The following CASZ1 variants were observed in gnomAD, a reference collection of about 807,000 sequenced individuals.
CASZ1 encodes the protein zinc finger protein castor homolog 1.
CASZ1 carries 28 observed loss-of-function variants against 135.2 expected under a neutral mutation model. The observed-to-expected ratio is 0.21, with a 90% CI of 0.15 to 0.28. The LOEUF is 0.28. Ranked by LOEUF, CASZ1 falls within the 10% of genes least tolerant of loss-of-function variation. The pLI is 1.00. For missense variants in CASZ1, 2,161 were observed against 2,453.3 expected (o/e 0.88, Z 2.52); for synonymous variants, 1,068 against 1,073.4 (o/e 0.99, Z 0.10).
At chr1:10,692,331 C>A (rs951734766) in intron 4 of CASZ1, among the ~76,000 whole-genome samples, 6 of 152,234 alleles carry the variant, frequency 3.9e-5, no homozygotes, top group African/African-American at 1.4e-4. Context: ...GGCTCTCCTG[C>A]CCCAGGTAAG....
rs918967852 is a variant in CASZ1 at position 10,768,118 on chromosome 1, G to C, written c.-233-7261C>G. Reference sequence around the variant, plus strand: ...CTACCATGGTGCTTCCCATGAGGCAGGCCGCCCTGATCTCAGGAGGCTCCC... The same window carrying C: ...CTACCATGGTGCTTCCCATGAGGCACGCCGCCCTGATCTCAGGAGGCTCCC... On this transcript the variant is annotated intron_variant, in intron 1 of 20. Transcript: ENST00000377022. 5.3e-5 allele frequency among the ~76,000 whole-genome samples: 8 copies of C among 152,358 alleles called. No homozygotes were observed. The Middle Eastern group carries it at 0.01, about 194-fold the overall frequency.
At chr1:10,768,913 G>A (rs938808681) in intron 1 of CASZ1, among the ~76,000 whole-genome samples, 1 of 152,202 alleles carries the variant, frequency 6.6e-6, no homozygotes, top group Non-Finnish European at 1.5e-5. Context: ...GGCAGAGGCG[G>A]GCAGATCACT....
chr1:10,733,521 G>A (rs1557539161), intron 2 of CASZ1, among the ~76,000 whole-genome samples: 1 of 152,154 alleles, frequency 6.6e-6, no homozygotes, highest in Admixed American at 6.5e-5. Context: ...AGGGACAATG[G>A]CAAAAAGGGC....
chr1:10,754,151 A>G (rs1640202109), intron 2 of CASZ1, among the ~76,000 whole-genome samples: 1 of 151,456 alleles, frequency 6.6e-6, no homozygotes, highest in South Asian at 2.1e-4. Context: ...CATCGCAGTG[A>G]CCCCTTCCCT....
intron 12 of CASZ1, 22 bp downstream of exon 12, chr1:10,650,919 C>T: frequency 6.2e-7 from 1 of 1,606,876 alleles, no homozygotes; most frequent in South Asian, 1.1e-5. Context: ...GGGGCTGGCT[C>T]CCATAGGGGG....
chr1:10,772,189 G>C (rs1028930335), intron 1 of CASZ1, among the ~76,000 whole-genome samples: 1 of 152,214 alleles, frequency 6.6e-6, no homozygotes, highest in African/African-American at 2.4e-5. Flanking sequence ...GCATGGGTGG[G>C]AGAAAGAAGA....
rs1208027148 is a variant in CASZ1, at chr1:10,637,834, G to C, written c.*1108C>G. ...TAAAACAAACTGGAAAAAAAAAAAA[G>C]CCCTATAAAGCCACACGCATCACCA... On this transcript the variant is annotated 3_prime_UTR_variant, in exon 21 of 21. Transcript: ENST00000377022. 1.4e-5 allele frequency: 2 copies of C among 146,804 alleles called. No individual in the cohort carries two copies. Among genetic ancestry groups the C allele is most frequent in the African/African-American group, 5.0e-5 (2 of 39,890 alleles). The allele number at this position is 146,804 out of a possible 1,614,324, so 9.1% of individuals were successfully genotyped here. A position where few individuals can be genotyped will look rare whatever the true frequency, so the allele number is the denominator to read the frequency against.
At chr1:10,678,811 C>T (rs1476111818) in intron 4 of CASZ1, among the ~76,000 whole-genome samples, 1 of 151,956 alleles carries the variant, frequency 6.6e-6, no homozygotes, top group Non-Finnish European at 1.5e-5. Context: ...TAAAAAATCC[C>T]CCCCTTTTGC....
chr1:10,784,532 C>T (rs1640821218), intron 1 of CASZ1, among the ~76,000 whole-genome samples: 1 of 152,138 alleles, frequency 6.6e-6, no homozygotes, highest in South Asian at 2.1e-4. Flanking sequence ...CAGTTATCTC[C>T]CTACCTCCCA....
chr1:10,710,260 CCTT>C (rs1639260719), intron 2 of CASZ1, among the ~76,000 whole-genome samples: 1 of 152,180 alleles, frequency 6.6e-6, no homozygotes, highest in Non-Finnish European at 1.5e-5. Flanking sequence ...GGCCTCAAGT[CCTT>C]CATGGGATGT....
chr1:10,795,119 C>T (rs888281825), intron 1 of CASZ1, among the ~76,000 whole-genome samples: 2 of 152,170 alleles, frequency 1.3e-5, no homozygotes, highest in South Asian at 2.1e-4. Flanking sequence ...AAACCGGCCG[C>T]CGCTCCGCCC....
At position 10,700,060 on chromosome 1, in the gene CASZ1, G is replaced by A. The variant is rs166915; in HGVS notation, c.-24+5432C>T. Among the ~76,000 whole-genome samples the A allele has an allele frequency of 9.0e-4, 118 of 130,664 alleles. No homozygotes were observed. The highest frequency in any genetic ancestry group is 3.5e-3 in the African/African-American group (107 of 30,972). The allele number at this position is 130,664 out of a possible 152,430, so 85.7% of individuals were successfully genotyped here. ...ACAGAGAGAGAGAGAAAGAGAGACA[G>A]AGAGAGAAAGAGAGATAGAGACACA... On this transcript the variant is annotated intron_variant, in intron 3 of 20. Coordinates refer to ENST00000377022, the MANE Select transcript of CASZ1 (RefSeq NM_001079843.3). This position sits in a 1 kb window ranked among gnomAD's most constrained non-coding sequence, Gnocchi z 4.2.
Position 10,777,560 on chromosome 1 carries a change from G to A in CASZ1, c.-233-16703C>T, listed in dbSNP as rs1640683090. On this transcript the variant is annotated intron_variant, in intron 1 of 20. Transcript: ENST00000377022. The surrounding 1 kb of genome is among the most constrained non-coding windows in gnomAD (Gnocchi z 4.4). ...CGGAAGACCCCGTTAATTTTACTCT[G>A]CCCGGCTACTACAACGAGGGGGAAA... 6.6e-6 allele frequency among the ~76,000 whole-genome samples: 1 copy of A among 152,076 alleles called. No individual in the cohort carries two copies. The highest frequency in any genetic ancestry group is 1.5e-5 in the Non-Finnish European group (1 of 68,012).
chr1:10,672,687 C>CT (rs769104227), intron 4 of CASZ1, among the ~76,000 whole-genome samples: 1 of 152,084 alleles, frequency 6.6e-6, no homozygotes, highest in Non-Finnish European at 1.5e-5. Flanking sequence ...ATCTAATTTG[C>CT]GTCAGTGCTG....
At position 10,653,248 on chromosome 1, in the gene CASZ1, G is replaced by T. The variant is rs78512438; in HGVS notation, c.2680+129C>A. The T allele has an allele frequency of 7.6e-3, 7,597 of 996,036 alleles. 89 individuals carry two copies. The highest frequency in any genetic ancestry group is 0.042 in the African/African-American group (2,653 of 62,958). The allele number at this position is 996,036 out of a possible 1,614,324, so 61.7% of individuals were successfully genotyped here. A position where few individuals can be genotyped will look rare whatever the true frequency, so the allele number is the denominator to read the frequency against. On this transcript the variant is annotated intron_variant, in intron 11 of 20. Transcript: ENST00000377022. ...GGGGCGAAGATCAGGCAAAGAGGGG[G>T]TGCTGGCAAGCAGGGGCCACACGGA...
Position 10,653,552 on chromosome 1 carries a change from G to T in CASZ1, c.2505C>A (p.Asp835Glu), listed in dbSNP as rs1268818247. 1.3e-6 allele frequency: 2 copies of T among 1,586,664 alleles called. No homozygotes were observed. The highest frequency in any genetic ancestry group is 2.7e-5 in the African/African-American group (2 of 74,530). Residue 835 changes from aspartate (D) to glutamate (E), a missense_variant, in exon 11 of 21, where the codon GAC (aspartate) becomes GAA (glutamate). Physicochemically the swap from Asp to Glu is conservative, Grantham distance 45 (BLOSUM62 2). Transcript: ENST00000377022. ...CTCCCGAGGCGACCAGCGTGGGTGT[G>T]TCAGGGGTGGCTGAGGCTGCTGACC... The part of the protein sequence containing the change: ...SSGSAASATP[D>E]TPTLVASGAG...
chr1:10,652,169 A>G (rs894998460), intron 11 of CASZ1: 6 of 152,336 alleles, frequency 3.9e-5, no homozygotes, highest in African/African-American at 1.4e-4. Context: ...AAGCACTGGC[A>G]GCCTCTGCAA....
intron 1 of CASZ1, among the ~76,000 whole-genome samples, chr1:10,793,582 A>G (rs1641001799): frequency 6.6e-6 from 1 of 152,228 alleles, no homozygotes; most frequent in East Asian, 1.9e-4. Flanking sequence ...ACAGATTATC[A>G]TCAACAGAAT....
chr1:10,700,078 GAGACACAC>G lies in CASZ1; in HGVS notation c.-24+5406_-24+5413del, dbSNP rs1639028304. 2.7e-5 allele frequency among the ~76,000 whole-genome samples: 2 copies of G among 74,178 alleles called. No individual in the cohort carries two copies. The highest frequency in any genetic ancestry group is 1.2e-4 in the African/African-American group (2 of 17,194). The allele number at this position is 74,178 out of a possible 152,430, so 48.7% of individuals were successfully genotyped here. Reference sequence around the variant, plus strand: ...AGAGACAGAGAGAGAAAGAGAGATAGAGACACACACACACACACACACACACACACACA... The same window carrying G: ...AGAGACAGAGAGAGAAAGAGAGATAGACACACACACACACACACACACACA... On this transcript the variant is annotated intron_variant, in intron 3 of 20. Transcript: ENST00000377022. The surrounding 1 kb of genome is among the most constrained non-coding windows in gnomAD (Gnocchi z 4.2).
Sources: allele counts gnomAD v4.1 joint callset (sites outside exome capture counted in the v4.1 genomes callset), GRCh38; gene constraint gnomAD v4.1.1; non-coding constraint Gnocchi (gnomAD v3.1); transcripts MANE v1.5; gene names NCBI Gene and HGNC (gene_info 2026-07-23, HGNC 2026-07-21).